USP37: variants seen among roughly 807,000 people sequenced by gnomAD.
The protein encoded by USP37 is ubiquitin specific peptidase 37, also known as ubiquitin carboxyl-terminal hydrolase 37.
USP37 carries 27 observed loss-of-function variants against 124.0 expected under a neutral mutation model. The ratio of observed to expected loss-of-function variants is 0.22; its 90% CI spans 0.16 to 0.30. The LOEUF (loss-of-function observed/expected upper bound fraction) is 0.30, where lower values mean the gene tolerates loss of function less well. Among genes scored for constraint, USP37 ranks in the 10% least tolerant of loss-of-function variants. The probability of loss-of-function intolerance (pLI) is 1.00; values close to 1 mark genes in which losing one functional copy is unlikely to be tolerated. For missense variants in USP37, 889 were observed against 1,140.4 expected (o/e 0.78, Z 3.17); for synonymous variants, 365 against 388.0 (o/e 0.94, Z 0.70).
At chr2:218,480,323 C>T (rs1434195673) in intron 17 of USP37, among the ~76,000 whole-genome samples, 1 of 142,410 alleles carries the variant, frequency 7.0e-6, no homozygotes, top group Non-Finnish European at 1.5e-5. Context: ...TGGCGTGAAG[C>T]CGGGAGGCGC....
rs533432940 is a variant in USP37 at position 218,463,729 on chromosome 2, G to T, written c.2467-363C>A. ...TTTTTGTATTTTTAGTAGAGATGGG[G>T]TTTCACCATGTTAGCCAGGGTGGTC... On this transcript the variant is annotated intron_variant, in intron 21 of 25. Coordinates refer to ENST00000258399, the MANE Select transcript of USP37 (RefSeq NM_020935.3). Among the ~76,000 whole-genome samples, 33 of 151,684 alleles carry T rather than the reference G, an allele frequency of 2.2e-4. No individual in the cohort carries two copies. In the South Asian group the frequency reaches 6.2e-3, roughly 29 times the overall value.
chr2:218,542,964 G>A (rs1373786498), intron 8 of USP37, among the ~76,000 whole-genome samples: 2 of 152,118 alleles, frequency 1.3e-5, no homozygotes, highest in Non-Finnish European at 2.9e-5. Context: ...AGGGAGGTAC[G>A]AATACCGATA....
chr2:218,547,789 A>C (rs1318608758), intron 6 of USP37, among the ~76,000 whole-genome samples: 1 of 152,188 alleles, frequency 6.6e-6, no homozygotes, highest in African/African-American at 2.4e-5. Flanking sequence ...AACATATGAT[A>C]GGGAAAAGGA....
chr2:218,520,940 G>A (rs138613642), intron 10 of USP37, among the ~76,000 whole-genome samples: 53 of 152,234 alleles, frequency 3.5e-4, no homozygotes, highest in African/African-American at 1.2e-3. Context: ...GAAGGTGATT[G>A]GATCATGGAG....
intron 10 of USP37, among the ~76,000 whole-genome samples, chr2:218,512,254 C>T (rs145948047): frequency 0.024 from 3,657 of 152,240 alleles, 149 homozygotes; most frequent in African/African-American, 0.084. Context: ...CACCTGTAAT[C>T]CCAGCACTTT....
chr2:218,512,063 T>C (rs1038841080), intron 10 of USP37, among the ~76,000 whole-genome samples: 7 of 152,170 alleles, frequency 4.6e-5, no homozygotes, highest in African/African-American at 1.7e-4. Flanking sequence ...AGCCATGTGT[T>C]AGTGGCTGTT....
intron 5 of USP37, among the ~76,000 whole-genome samples, chr2:218,551,093 G>A (rs1692643379): frequency 6.6e-6 from 1 of 151,982 alleles, no homozygotes; most frequent in Non-Finnish European, 1.5e-5. Flanking sequence ...CTGGAGATAA[G>A]GATCCAAGTG....
intron 21 of USP37, among the ~76,000 whole-genome samples, chr2:218,464,607 A>T (rs1265728112): frequency 6.6e-6 from 1 of 152,282 alleles, no homozygotes; most frequent in South Asian, 2.1e-4. Flanking sequence ...CTACCCATTC[A>T]TTCTAGGGAG....
At chr2:218,459,761 C>T (rs780067254) in intron 23 of USP37, 29 bp downstream of exon 23, 30 of 1,585,148 alleles carry the variant, frequency 1.9e-5, no homozygotes, top group Admixed American at 3.4e-5. Flanking sequence ...TGAATTTGAC[C>T]AACTGTACTC....
intron 4 of USP37, among the ~76,000 whole-genome samples, chr2:218,556,892 C>T (rs1693012490): frequency 6.6e-6 from 1 of 151,878 alleles, no homozygotes; most frequent in Non-Finnish European, 1.5e-5. Context: ...CCCCAACCAC[C>T]CTGTTTCTTT....
In USP37 at chr2:218,488,193, A is replaced by G. The variant is rs1018762206; in HGVS notation, c.1590+111T>C. On this transcript the variant is annotated intron_variant, in intron 15 of 25. Coordinates refer to ENST00000258399, the MANE Select transcript of USP37 (RefSeq NM_020935.3). ...CCTGTCTCAAAAAAAAAAAAAAAAAAAAAAGAAAAGAAAAGAAACTTTGCC... is the reference window on the plus strand; with the variant it reads ...CCTGTCTCAAAAAAAAAAAAAAAAAGAAAAGAAAAGAAAAGAAACTTTGCC... 7.3e-4 allele frequency: 461 copies of G among 630,646 alleles called. 2 individuals carry two copies. The highest frequency in any genetic ancestry group is 9.3e-4 in the Non-Finnish European group (363 of 390,902). The allele number at this position is 630,646 out of a possible 1,614,324, so 39.1% of individuals were successfully genotyped here.
chr2:218,496,164 G>A (rs1447887846), intron 13 of USP37, among the ~76,000 whole-genome samples: 6 of 151,958 alleles, frequency 3.9e-5, no homozygotes, highest in African/African-American at 1.5e-4. Context: ...TGTGGTGGCA[G>A]TCCCTGTAAT....
intron 10 of USP37, among the ~76,000 whole-genome samples, chr2:218,529,693 C>T (rs1055583329): frequency 2.6e-5 from 4 of 152,056 alleles, no homozygotes; most frequent in African/African-American, 9.7e-5. Flanking sequence ...ATAATTATGG[C>T]TCATTGCAGC....
At chr2:218,455,165 T>G (rs1689626165) in intron 25 of USP37, 148 bp from the exon 26 acceptor site, 1 of 959,418 alleles carries the variant, frequency 1.0e-6, no homozygotes, top group East Asian at 2.6e-5. Flanking sequence ...AGCAGCTCAC[T>G]CATTTGATCT....
intron 20 of USP37, among the ~76,000 whole-genome samples, chr2:218,468,674 C>A (rs1244349651): frequency 2.0e-5 from 3 of 152,116 alleles, no homozygotes; most frequent in Non-Finnish European, 4.4e-5. Context: ...ACGCTCTTTA[C>A]CTGCCCTAGT....
chr2:218,541,932 C>A (rs1691996266), intron 8 of USP37, among the ~76,000 whole-genome samples: 1 of 152,168 alleles, frequency 6.6e-6, no homozygotes, highest in Non-Finnish European at 1.5e-5. Flanking sequence ...TCAGCATCTG[C>A]AGTTCTTCAG....
At chr2:218,508,205 T>G (rs1689780715) in intron 11 of USP37, among the ~76,000 whole-genome samples, 1 of 152,194 alleles carries the variant, frequency 6.6e-6, no homozygotes, top group Non-Finnish European at 1.5e-5. Context: ...TTGGAGGATT[T>G]GTGAGGAACA....
chr2:218,549,197 C>T (rs920850054), intron 6 of USP37, among the ~76,000 whole-genome samples: 4 of 152,086 alleles, frequency 2.6e-5, no homozygotes, highest in African/African-American at 7.2e-5. Flanking sequence ...TTTAAATATA[C>T]ACAACTTACT....
At chr2:218,458,562 G>A (rs752297172) in intron 23 of USP37, among the ~76,000 whole-genome samples, 6 of 151,954 alleles carry the variant, frequency 3.9e-5, no homozygotes, top group Admixed American at 6.6e-5. Flanking sequence ...GTGACAGAGC[G>A]AGACTCTGTC....
Sources: allele counts gnomAD v4.1 joint callset (sites outside exome capture counted in the v4.1 genomes callset), GRCh38; gene constraint gnomAD v4.1.1; transcripts MANE v1.5; gene names NCBI Gene and HGNC (gene_info 2026-07-23, HGNC 2026-07-21).